The following AGBL4 variants were observed in gnomAD, a reference collection of about 807,000 sequenced individuals.
AGBL4 encodes the protein AGBL carboxypeptidase 4.
AGBL4 carries 58 observed loss-of-function variants against 66.4 expected under a neutral mutation model. That is an observed-to-expected ratio of 0.87 (90% confidence interval 0.71 to 1.09). AGBL4 has a LOEUF of 1.09. AGBL4 is among the 50% of genes least tolerant of loss of function. The pLI is 0.00. For synonymous variants in AGBL4, 234 were observed against 222.9 expected, an observed-to-expected ratio of 1.05 and a Z score of -0.44; for missense variants, 579 against 631.0, an observed-to-expected ratio of 0.92 and a Z score of 0.88.
At chr1:49,946,710 C>T (rs1038886642) in intron 1 of AGBL4, among the ~76,000 whole-genome samples, 1 of 151,538 alleles carries the variant, frequency 6.6e-6, no homozygotes, top group Non-Finnish European at 1.5e-5. Flanking sequence ...AAGATCAGAG[C>T]AGAACTAAAT....
intron 3 of AGBL4, among the ~76,000 whole-genome samples, chr1:49,581,719 G>A (rs1341202355): frequency 6.6e-6 from 1 of 152,196 alleles, no homozygotes; most frequent in African/African-American, 2.4e-5. Context: ...AGGTTTCAGT[G>A]GTAGTGGTGA....
rs976301766 is a variant in AGBL4 at position 49,223,266 on chromosome 1, C to T, written c.377+22504G>A. Among the ~76,000 whole-genome samples the T allele has an allele frequency of 3.9e-5, 6 of 152,024 alleles. No homozygotes were observed. In the South Asian group the frequency reaches 8.3e-4, roughly 21 times the overall value. On this transcript the variant is annotated intron_variant, in intron 4 of 13. Coordinates refer to ENST00000371839, the MANE Select transcript of AGBL4 (RefSeq NM_032785.4). ...TAAGAGAAAGGAAAATATTGAATAACAGGAGAGTATCACAGAAGGGGAGAG... is the reference window on the plus strand; with the variant it reads ...TAAGAGAAAGGAAAATATTGAATAATAGGAGAGTATCACAGAAGGGGAGAG...
intron 3 of AGBL4, among the ~76,000 whole-genome samples, chr1:49,286,813 A>T (rs1443916412): frequency 5.9e-5 from 9 of 152,304 alleles, no homozygotes; most frequent in Admixed American, 5.9e-4. Flanking sequence ...ATTCAATGCC[A>T]TCCCCATCAA....
chr1:49,519,652 A>G (rs1031717702), intron 3 of AGBL4, among the ~76,000 whole-genome samples: 5 of 152,090 alleles, frequency 3.3e-5, no homozygotes, highest in Non-Finnish European at 7.4e-5. Context: ...AAACTGAGGC[A>G]AATACTCTAC....
At chr1:48,742,330 G>T (rs1650037562) in intron 6 of AGBL4, among the ~76,000 whole-genome samples, 1 of 151,974 alleles carries the variant, frequency 6.6e-6, no homozygotes, top group Non-Finnish European at 1.5e-5. Context: ...TGGGAATTAA[G>T]AAATATCTTT....
intron 3 of AGBL4, among the ~76,000 whole-genome samples, chr1:49,302,106 C>T (rs542491079): frequency 6.6e-6 from 1 of 152,100 alleles, no homozygotes; most frequent in Admixed American, 6.6e-5. Flanking sequence ...CTCCCCCAAC[C>T]CTTTTTTGGA....
chr1:49,895,941 T>TAA (rs34539823), intron 1 of AGBL4, among the ~76,000 whole-genome samples: 5 of 133,964 alleles, frequency 3.7e-5, no homozygotes, highest in Non-Finnish European at 3.2e-5. Flanking sequence ...CTGAATGGGG[T>TAA]AAAAAAAAAA....
At chr1:49,827,919 T>A (rs561685954) in intron 2 of AGBL4, among the ~76,000 whole-genome samples, 1 of 152,340 alleles carries the variant, frequency 6.6e-6, no homozygotes, top group Non-Finnish European at 1.5e-5. Flanking sequence ...AATGAAACTG[T>A]ATTCCATCAT....
At chr1:48,826,903 G>C (rs550688321) in intron 6 of AGBL4, among the ~76,000 whole-genome samples, 1 of 152,128 alleles carries the variant, frequency 6.6e-6, no homozygotes, top group South Asian at 2.1e-4. Context: ...CCATGCCCCG[G>C]AGTCTGCTAC....
At chr1:49,192,856 T>C (rs1056677808) in intron 4 of AGBL4, among the ~76,000 whole-genome samples, 38 of 152,314 alleles carry the variant, frequency 2.5e-4, no homozygotes, top group Non-Finnish European at 4.7e-4. Context: ...CCAGAGTACC[T>C]GACGTTAAAC....
intron 3 of AGBL4, among the ~76,000 whole-genome samples, chr1:49,340,100 C>CT (rs904931866): frequency 9.9e-5 from 15 of 151,430 alleles, no homozygotes; most frequent in East Asian, 1.9e-4. Flanking sequence ...AATCCATGTT[C>CT]TTTTTTTTCC....
chr1:49,538,139 C>A (rs1322817826), intron 3 of AGBL4, among the ~76,000 whole-genome samples: 1 of 152,166 alleles, frequency 6.6e-6, no homozygotes, highest in East Asian at 1.9e-4. Flanking sequence ...AAAAAGATAT[C>A]TTCTGCACTT....
chr1:50,005,480 G>A (rs1424126868), intron 1 of AGBL4, among the ~76,000 whole-genome samples: 1 of 152,106 alleles, frequency 6.6e-6, no homozygotes, highest in African/African-American at 2.4e-5. Context: ...CAAAATCTTA[G>A]ATCACAATAC....
intron 3 of AGBL4, among the ~76,000 whole-genome samples, chr1:49,466,256 C>A (rs1377877822): frequency 6.6e-6 from 1 of 151,760 alleles, no homozygotes; most frequent in African/African-American, 2.4e-5. Flanking sequence ...TTTGGGTTCC[C>A]CAAAAATAAG....
chr1:49,060,256 C>T (rs1247494689), intron 4 of AGBL4, among the ~76,000 whole-genome samples: 1 of 152,094 alleles, frequency 6.6e-6, no homozygotes, highest in African/African-American at 2.4e-5. Context: ...TCTTATAAGG[C>T]ACTTTTCCTT....
chr1:49,797,103 A>ATC (rs1457189802), intron 2 of AGBL4, among the ~76,000 whole-genome samples: 1 of 152,186 alleles, frequency 6.6e-6, no homozygotes, highest in African/African-American at 2.4e-5. Context: ...CTGCCATTTA[A>ATC]TCTCCAGCAA....
At chr1:48,657,533 C>A (rs561773139) in intron 7 of AGBL4, among the ~76,000 whole-genome samples, 33 of 152,180 alleles carry the variant, frequency 2.2e-4, no homozygotes, top group Non-Finnish European at 4.7e-4. Flanking sequence ...AGGGTGCAGG[C>A]ATAGCAGAGA....
At chr1:48,693,508 G>A (rs1015514130) in intron 6 of AGBL4, among the ~76,000 whole-genome samples, 2 of 152,174 alleles carry the variant, frequency 1.3e-5, no homozygotes, top group Non-Finnish European at 2.9e-5. Context: ...GAAATTTCAC[G>A]GTGGCGTGTG....
At chr1:48,827,885 C>T (rs917804201) in intron 6 of AGBL4, among the ~76,000 whole-genome samples, 3 of 151,808 alleles carry the variant, frequency 2.0e-5, no homozygotes, top group Non-Finnish European at 4.4e-5. Flanking sequence ...CCAGGAGCGG[C>T]GGCTCATGCC....
Sources: allele counts gnomAD v4.1 joint callset (sites outside exome capture counted in the v4.1 genomes callset), GRCh38; gene constraint gnomAD v4.1.1; transcripts MANE v1.5; gene names NCBI Gene and HGNC (gene_info 2026-07-23, HGNC 2026-07-21).